Variants in RTTN observed in about 807,000 individuals in gnomAD.
The protein encoded by RTTN is rotatin.
A neutral mutation model predicts 269.2 loss-of-function variants in RTTN; 182 were observed. That is an observed-to-expected ratio of 0.68 (90% CI 0.60 to 0.76). The LOEUF is 0.76. RTTN is among the 30% of genes least tolerant of loss of function. RTTN has a pLI of 0.00. For missense variants in RTTN, 2,545 were observed against 2,608.6 expected (o/e 0.98, Z 0.53); for synonymous variants, 1,006 against 963.5 (o/e 1.04, Z -0.82).
At chr18:70,081,447 C>T (rs935807838) in intron 32 of RTTN, among the ~76,000 whole-genome samples, 2 of 152,146 alleles carry the variant, frequency 1.3e-5, no homozygotes. Flanking sequence ...AAGGACAAAA[C>T]AGGCAGATTC....
intron 32 of RTTN, among the ~76,000 whole-genome samples, chr18:70,081,585 C>T (rs140186061): frequency 6.6e-6 from 1 of 152,214 alleles, no homozygotes; most frequent in Non-Finnish European, 1.5e-5. Context: ...TAACTCAAAT[C>T]TAAACCTGGG....
At chr18:70,110,965 G>C (rs1166324664) in intron 27 of RTTN, among the ~76,000 whole-genome samples, 1 of 152,246 alleles carries the variant, frequency 6.6e-6, no homozygotes, top group Non-Finnish European at 1.5e-5. Flanking sequence ...GAACTGGGCA[G>C]AGCCCACTGC....
intron 26 of RTTN, among the ~76,000 whole-genome samples, chr18:70,116,051 A>G (rs1297334339): frequency 6.6e-6 from 1 of 152,056 alleles, no homozygotes; most frequent in African/African-American, 2.4e-5. Context: ...ATAAGACATA[A>G]CTGCAACTTT....
chr18:70,083,547 T>C (rs888276189), intron 32 of RTTN, among the ~76,000 whole-genome samples: 11 of 152,082 alleles, frequency 7.2e-5, no homozygotes, highest in Non-Finnish European at 1.3e-4. Flanking sequence ...GGTAAGACAT[T>C]AAATGTTAGT....
At chr18:70,090,468 T>C (rs756357679) in intron 30 of RTTN, among the ~76,000 whole-genome samples, 33 of 152,166 alleles carry the variant, frequency 2.2e-4, no homozygotes, top group South Asian at 6.2e-4. Context: ...CCTTCTTGTA[T>C]TGATGTGAGA....
chr18:70,121,766 T>C (rs886894977), intron 25 of RTTN, 66 bp from the exon 26 acceptor site: 2 of 1,383,492 alleles, frequency 1.4e-6, no homozygotes, highest in Non-Finnish European at 1.9e-6. Flanking sequence ...CTGTTCATCA[T>C]AGATATGTGG....
At chr18:70,050,969 T>C (rs2057647534) in intron 39 of RTTN, among the ~76,000 whole-genome samples, 1 of 152,072 alleles carries the variant, frequency 6.6e-6, no homozygotes, top group African/African-American at 2.4e-5. Flanking sequence ...CTAATGCATG[T>C]GGGGCTTAAA....
At chr18:70,088,660 T>C (rs1024200970) in intron 30 of RTTN, among the ~76,000 whole-genome samples, 4 of 152,342 alleles carry the variant, frequency 2.6e-5, no homozygotes, top group African/African-American at 4.8e-5. Context: ...TGGTATAATA[T>C]GCTTGCTGTA....
intron 30 of RTTN, among the ~76,000 whole-genome samples, chr18:70,090,682 G>A (rs1367781517): frequency 6.6e-6 from 1 of 152,148 alleles, no homozygotes; most frequent in African/African-American, 2.4e-5. Context: ...AGGACTCAAG[G>A]GTGGCTTTTC....
chr18:70,079,502 C>A (rs1263220182), intron 32 of RTTN, among the ~76,000 whole-genome samples: 1 of 152,016 alleles, frequency 6.6e-6, no homozygotes, highest in Non-Finnish European at 1.5e-5. Context: ...TTCATGCACA[C>A]ACTAGGCTCT....
chr18:70,073,466 T>C (rs1568334457), intron 34 of RTTN, among the ~76,000 whole-genome samples: 2 of 152,180 alleles, frequency 1.3e-5, no homozygotes, highest in Non-Finnish European at 2.9e-5. Context: ...AAGCACAATT[T>C]CAGGGTAATC....
chr18:70,191,801 A>G (rs2061677987), intron 8 of RTTN, among the ~76,000 whole-genome samples: 1 of 152,242 alleles, frequency 6.6e-6, no homozygotes, highest in Non-Finnish European at 1.5e-5. Flanking sequence ...CAAGATACCA[A>G]GCACCCCAAA....
chr18:70,034,831 A>T (rs2057122715), intron 40 of RTTN, among the ~76,000 whole-genome samples: 1 of 152,234 alleles, frequency 6.6e-6, no homozygotes, highest in Non-Finnish European at 1.5e-5. Flanking sequence ...TAAGCTGATA[A>T]ACAATTTTAG....
intron 12 of RTTN, 57 bp downstream of exon 12, chr18:70,168,798 T>C: frequency 7.5e-7 from 1 of 1,327,062 alleles, no homozygotes; most frequent in Non-Finnish European, 1.0e-6. Flanking sequence ...AAAGTATAGA[T>C]TAAATTTTCA....
intron 28 of RTTN, among the ~76,000 whole-genome samples, chr18:70,096,867 A>ATATTTAAGTTTGCTGAAGC (rs2059018195): frequency 6.6e-6 from 1 of 152,202 alleles, no homozygotes; most frequent in Admixed American, 6.5e-5. Context: ...GCAGGCAAGA[A>ATATTTAAGTTTGCTGAAGC]TATTTAAGTT....
chr18:70,105,281 G>A (rs117718757), intron 28 of RTTN, among the ~76,000 whole-genome samples: 15,107 of 152,224 alleles, frequency 0.099, 915 homozygotes, highest in Middle Eastern at 0.32. Context: ...CTCTATAGGC[G>A]TGGGACCCTC....
At chr18:70,011,172 G>C (rs934904572) in intron 46 of RTTN, among the ~76,000 whole-genome samples, 3 of 152,154 alleles carry the variant, frequency 2.0e-5, no homozygotes, top group Admixed American at 6.5e-5. Context: ...AAGTGGAGCT[G>C]GTACCATTCC....
chr18:70,158,616 C>T (rs112332617), intron 14 of RTTN, among the ~76,000 whole-genome samples: 385 of 152,242 alleles, frequency 2.5e-3, no homozygotes, highest in Non-Finnish European at 4.5e-3. Flanking sequence ...TGAACATAAA[C>T]GGGCTAAACA....
intron 14 of RTTN, among the ~76,000 whole-genome samples, chr18:70,158,068 G>A (rs998151740): frequency 6.6e-6 from 1 of 152,038 alleles, no homozygotes; most frequent in Non-Finnish European, 1.5e-5. Flanking sequence ...TCACTAGGCA[G>A]GTCAATAAGC....
Sources: allele counts gnomAD v4.1 joint callset (sites outside exome capture counted in the v4.1 genomes callset), GRCh38; gene constraint gnomAD v4.1.1; transcripts MANE v1.5; gene names NCBI Gene and HGNC (gene_info 2026-07-23, HGNC 2026-07-21).